Variants in TMEM132D observed in about 807,000 individuals in gnomAD.
The protein encoded by TMEM132D is mature OL transmembrane protein.
In TMEM132D, 21 loss-of-function variants were observed where a neutral mutation model predicts 62.3. The observed-to-expected ratio is 0.34, with a 90% confidence interval of 0.24 to 0.49. The LOEUF (loss-of-function observed/expected upper bound fraction) is 0.49, where lower values mean the gene tolerates loss of function less well. TMEM132D is among the 20% of genes least tolerant of loss of function. TMEM132D has a pLI of 0.99. For synonymous variants in TMEM132D, 621 were observed against 575.6 expected (o/e 1.08, Z -1.13); for missense variants, 1,346 against 1,402.8 (o/e 0.96, Z 0.65).
At chr12:129,750,602 G>A (rs1869967650) in intron 1 of TMEM132D, among the ~76,000 whole-genome samples, 1 of 152,162 alleles carries the variant, frequency 6.6e-6, no homozygotes, top group Admixed American at 6.5e-5. Flanking sequence ...AGGCCACAAG[G>A]TCCTGTGTCA....
At chr12:129,295,350 G>C (rs1345049854) in intron 4 of TMEM132D, among the ~76,000 whole-genome samples, 1 of 151,736 alleles carries the variant, frequency 6.6e-6, no homozygotes, top group African/African-American at 2.4e-5. Flanking sequence ...AACGCTGCCG[G>C]CTAAACTCCA....
chr12:129,681,823 T>G (rs1253169060), intron 2 of TMEM132D, among the ~76,000 whole-genome samples: 1 of 152,242 alleles, frequency 6.6e-6, no homozygotes, highest in Non-Finnish European at 1.5e-5. Context: ...GAGGGGACTC[T>G]GCAGCTGTGA....
chr12:129,137,226 T>C (rs1373455838), intron 5 of TMEM132D, among the ~76,000 whole-genome samples: 13 of 151,590 alleles, frequency 8.6e-5, no homozygotes, highest in Non-Finnish European at 1.8e-4. Context: ...ATCATCACCA[T>C]CACAATCATC....
At chr12:129,192,909 G>A (rs1184052955) in intron 5 of TMEM132D, among the ~76,000 whole-genome samples, 2 of 152,136 alleles carry the variant, frequency 1.3e-5, no homozygotes, top group African/African-American at 2.4e-5. Flanking sequence ...GGTGGCTCAC[G>A]CCTGTAATCC....
intron 3 of TMEM132D, among the ~76,000 whole-genome samples, chr12:129,503,067 G>A (rs914375532): frequency 3.9e-5 from 6 of 152,168 alleles, no homozygotes; most frequent in Non-Finnish European, 8.8e-5. Flanking sequence ...AATGAAAAGG[G>A]GAATGAGTGC....
In TMEM132D at chr12:129,280,597, T is replaced by C. The variant is rs139920677; in HGVS notation, c.1299+57037A>G. ...AGTGAGAAGTCAGGAACTATATTAT[T>C]AGCTCTTATGGGTCTCCAGGTTAGT... On this transcript the variant is annotated intron_variant, in intron 4 of 8. Coordinates refer to ENST00000422113, the MANE Select transcript of TMEM132D (RefSeq NM_133448.3). Among the ~76,000 whole-genome samples, 273 of 152,294 alleles carry C rather than the reference T, an allele frequency of 1.8e-3. 1 individual carries two copies. The highest frequency in any genetic ancestry group is 6.1e-3 in the African/African-American group (255 of 41,572).
At chr12:129,286,638 C>T (rs1009870474) in intron 4 of TMEM132D, among the ~76,000 whole-genome samples, 3 of 152,118 alleles carry the variant, frequency 2.0e-5, no homozygotes, top group Non-Finnish European at 2.9e-5. Context: ...GCTGGAGCTC[C>T]GGGCAATCAG....
intron 4 of TMEM132D, among the ~76,000 whole-genome samples, chr12:129,240,498 T>C (rs1204582074): frequency 1.3e-5 from 2 of 152,174 alleles, no homozygotes; most frequent in Admixed American, 1.3e-4. Flanking sequence ...TGAGGATGTA[T>C]CAACCTAGAC....
intron 1 of TMEM132D, among the ~76,000 whole-genome samples, chr12:129,793,208 C>T (rs1022546097): frequency 6.6e-6 from 1 of 152,036 alleles, no homozygotes; most frequent in African/African-American, 2.4e-5. Context: ...CCAACTCACC[C>T]AGCCTGATCT....
At chr12:129,275,914 G>A (rs933243670) in intron 4 of TMEM132D, among the ~76,000 whole-genome samples, 7 of 152,206 alleles carry the variant, frequency 4.6e-5, no homozygotes. Flanking sequence ...AGGTCGAGTT[G>A]GAAATCAAGA....
intron 3 of TMEM132D, among the ~76,000 whole-genome samples, chr12:129,460,955 C>A (rs1458035873): frequency 2.0e-5 from 3 of 152,180 alleles, no homozygotes; most frequent in African/African-American, 4.8e-5. Flanking sequence ...CTGCACATCA[C>A]TGGACATCAA....
rs561485289 is a variant in TMEM132D, at chr12:129,077,169, A to G, written c.2115+1365T>C. 2.6e-5 allele frequency among the ~76,000 whole-genome samples: 4 copies of G among 152,338 alleles called. No individual in the cohort carries two copies. The East Asian group carries it at 7.7e-4, about 29-fold the overall frequency. On this transcript the variant is annotated intron_variant, in intron 8 of 8. Coordinates refer to ENST00000422113, the MANE Select transcript of TMEM132D (RefSeq NM_133448.3). ...GCTCTTTGTGCCCCTTAGCAAGTCC[A>G]GTGTGGCACTCCTGCCTCCTCTGAA...
Position 129,320,506 on chromosome 12 carries a change from T to C in TMEM132D, c.1299+17128A>G, listed in dbSNP as rs188434979. Among the ~76,000 whole-genome samples, 4 of 152,270 alleles carry C rather than the reference T, an allele frequency of 2.6e-5. No homozygotes were observed. In the East Asian group the frequency reaches 7.7e-4, roughly 29 times the overall value. ...CAGTTGTCTCATAGCTAGGAAGGGC[T>C]AGAAAAAGATGATACTAGAAGAGAC... On this transcript the variant is annotated intron_variant, in intron 4 of 8. Transcript: ENST00000422113.
intron 3 of TMEM132D, among the ~76,000 whole-genome samples, chr12:129,356,772 G>T (rs922235724): frequency 3.7e-4 from 56 of 151,850 alleles, no homozygotes; most frequent in Non-Finnish European, 6.9e-4. Context: ...AGCTGAGGTG[G>T]GAGGATCGCT....
rs1307607144 is a variant in TMEM132D, at chr12:129,538,308, A to T, written c.969-7103T>A. ...GTTTCCACACCCAGTCTATAATTTT[A>T]TATAAATAGGATCATGCCGAGGGCT... On this transcript the variant is annotated intron_variant, in intron 2 of 8. Coordinates refer to ENST00000422113, the MANE Select transcript of TMEM132D (RefSeq NM_133448.3). Among the ~76,000 whole-genome samples the T allele has an allele frequency of 2.6e-5, 4 of 152,246 alleles. No individual in the cohort carries two copies. In the East Asian group the frequency reaches 5.8e-4, roughly 22 times the overall value.
At chr12:129,384,921 A>G (rs1871061950) in intron 3 of TMEM132D, among the ~76,000 whole-genome samples, 1 of 152,062 alleles carries the variant, frequency 6.6e-6, no homozygotes, top group Non-Finnish European at 1.5e-5. Flanking sequence ...TTTCCCATTT[A>G]CTAGATTTGA....
chr12:129,358,520 G>C (rs987511204), intron 3 of TMEM132D, among the ~76,000 whole-genome samples: 7 of 152,070 alleles, frequency 4.6e-5, no homozygotes, highest in Non-Finnish European at 2.9e-5. Context: ...CACAAATCAG[G>C]GCTTCTTTAT....
intron 3 of TMEM132D, among the ~76,000 whole-genome samples, chr12:129,442,915 G>A (rs1440674083): frequency 6.6e-6 from 1 of 152,106 alleles, no homozygotes; most frequent in African/African-American, 2.4e-5. Flanking sequence ...GGTGACGGTG[G>A]CTGACAACCT....
At chr12:129,601,389 T>C (rs1878478194) in intron 2 of TMEM132D, among the ~76,000 whole-genome samples, 1 of 152,252 alleles carries the variant, frequency 6.6e-6, no homozygotes, top group African/African-American at 2.4e-5. Flanking sequence ...GTTGTTTCAC[T>C]TTCTTATCAT....
Sources: allele counts gnomAD v4.1 joint callset (sites outside exome capture counted in the v4.1 genomes callset), GRCh38; gene constraint gnomAD v4.1.1; transcripts MANE v1.5; gene names NCBI Gene and HGNC (gene_info 2026-07-23, HGNC 2026-07-21).